PACRGL: variants seen among roughly 807,000 people sequenced by gnomAD.
PACRGL encodes PACRG-like protein.
PACRGL carries 38 observed loss-of-function variants against 34.5 expected under a neutral mutation model. The observed-to-expected ratio is 1.10, with a 90% CI of 0.85 to 1.44. The LOEUF is 1.44. Ranked by LOEUF, PACRGL falls within the 40% of genes most tolerant of loss-of-function variation. The probability of loss-of-function intolerance (pLI) is 0.00; values close to 1 mark genes in which losing one functional copy is unlikely to be tolerated. For missense variants in PACRGL, 305 were observed against 281.4 expected (o/e 1.08, Z -0.60); for synonymous variants, 128 against 100.1 (o/e 1.28, Z -1.66).
chr4:20,751,188 ACTTAT>A (rs1381253416), intron 8 of PACRGL, among the ~76,000 whole-genome samples: 1 of 152,190 alleles, frequency 6.6e-6, no homozygotes, highest in Non-Finnish European at 1.5e-5. Context: ...ATGAAGAACT[ACTTAT>A]CTTTGAACAC....
the PACRGL span, among the ~76,000 whole-genome samples, chr4:20,764,849 G>A: frequency 6.6e-6 from 1 of 152,262 alleles, no homozygotes; most frequent in Admixed American, 6.5e-5. Flanking sequence ...AGACAGGGTC[G>A]CTGTGATGGC....
At chr4:20,708,090 C>G (rs1735385514) in intron 4 of PACRGL, among the ~76,000 whole-genome samples, 1 of 152,118 alleles carries the variant, frequency 6.6e-6, no homozygotes, top group African/African-American at 2.4e-5. Context: ...TATGGATAAA[C>G]CATCAGTTTA....
the PACRGL span, among the ~76,000 whole-genome samples, chr4:20,764,807 G>A: frequency 6.6e-6 from 1 of 152,196 alleles, no homozygotes; most frequent in Admixed American, 6.5e-5. Context: ...AGGTCCCTCC[G>A]AGGCATAAAG....
Position 20,729,236 on chromosome 4 carries a change from A to AGGAT in PACRGL, c.*1896_*1899dup, listed in dbSNP as rs1475916070. 1 of 152,070 alleles carries AGGAT rather than the reference A, an allele frequency of 6.6e-6. No individual in the cohort carries two copies. Among genetic ancestry groups the AGGAT allele is most frequent in the African/African-American group, 2.4e-5 (1 of 41,418 alleles). The allele number at this position is 152,070 out of a possible 1,614,324, so 9.4% of individuals were successfully genotyped here. ...GTTATTAAGCATTACTATATACTGGAGGATAGATATCCTGACCCTTTGCAT... is the reference window on the plus strand; with the variant it reads ...GTTATTAAGCATTACTATATACTGGAGGATGGATAGATATCCTGACCCTTTGCAT... On this transcript the variant is annotated 3_prime_UTR_variant, in exon 9 of 9. Coordinates refer to ENST00000503585, the MANE Select transcript of PACRGL (RefSeq NM_001258345.3).
At position 20,713,498 on chromosome 4, in the gene PACRGL, G is replaced by T. The variant is rs763184505; in HGVS notation, c.568G>T (p.Gly190Cys). Residue 190 changes from glycine (G) to cysteine (C), a missense_variant, in exon 7 of 9, where the codon GGT becomes TGT. Coordinates refer to ENST00000503585, the MANE Select transcript of PACRGL (RefSeq NM_001258345.3). The stretch of plus-strand genomic sequence containing the variant: ...TCTAGTTCAGCTAAGTGTCGTTGTT[G>T]GTCCTTCTCTAAACGACCATCTGAA... ...NALVQLSVVV[G>C]PSLNDHLKHL... is the part of the protein sequence containing the mutation. 2 of 1,613,596 alleles carry T rather than the reference G, an allele frequency of 1.2e-6. No homozygotes were observed. The highest frequency in any genetic ancestry group is 2.2e-5 in the South Asian group (2 of 91,054).
In PACRGL at chr4:20,729,970, TAATATGCTTC is replaced by T; in HGVS notation, c.*2631_*2640del. The T allele has an allele frequency of 1.6e-6, 2 of 1,254,316 alleles. No individual in the cohort carries two copies. Among genetic ancestry groups the T allele is most frequent in the East Asian group, 5.3e-5 (2 of 37,930 alleles). The allele number at this position is 1,254,316 out of a possible 1,614,324, so 77.7% of individuals were successfully genotyped here. A position where few individuals can be genotyped will look rare whatever the true frequency, so the allele number is the denominator to read the frequency against. ...TATATTAAAACAAAGCTTGTTTGCA[TAATATGCTTC>T]AGTGTCAAGCTGAGCAATCTATGCT... On this transcript the variant is annotated 3_prime_UTR_variant, in exon 9 of 9. Coordinates refer to ENST00000503585, the MANE Select transcript of PACRGL (RefSeq NM_001258345.3).
At chr4:20,706,863 T>A (rs1203296072) in intron 3 of PACRGL, among the ~76,000 whole-genome samples, 1 of 152,140 alleles carries the variant, frequency 6.6e-6, no homozygotes, top group Non-Finnish European at 1.5e-5. Context: ...CTTGAGCCAC[T>A]GCGCCTGGCC....
chr4:20,718,686 T>C (rs1352438725), intron 7 of PACRGL: 2 of 152,218 alleles, frequency 1.3e-5, no homozygotes, highest in East Asian at 1.9e-4. Context: ...GCTTATTCAC[T>C]TGGTCATGGT....
At chr4:20,705,142 T>C (rs1733947020) in intron 3 of PACRGL, among the ~76,000 whole-genome samples, 1 of 150,640 alleles carries the variant, frequency 6.6e-6, no homozygotes, top group Non-Finnish European at 1.5e-5. Context: ...CACAGAATGC[T>C]TTTCGTGCTT....
the PACRGL span, among the ~76,000 whole-genome samples, chr4:20,760,497 T>A: frequency 6.6e-6 from 1 of 152,296 alleles, no homozygotes; most frequent in East Asian, 1.9e-4. Flanking sequence ...CCTGCAGAAT[T>A]TTCTATTTTC....
intron 7 of PACRGL, among the ~76,000 whole-genome samples, chr4:20,721,551 C>T (rs895772026): frequency 1.4e-4 from 22 of 152,274 alleles, no homozygotes; most frequent in Non-Finnish European, 2.9e-4. Context: ...ACAGTTGGGA[C>T]GCTCAGCTGC....
upstream of PACRGL, among the ~76,000 whole-genome samples, chr4:20,700,248 GA>G (rs959276127): frequency 6.6e-6 from 1 of 152,180 alleles, no homozygotes; most frequent in African/African-American, 2.4e-5. Context: ...CCTCTTATTC[GA>G]AAAACATCCT....
At chr4:20,702,703 A>G (rs529620862) in intron 1 of PACRGL, 3 of 153,148 alleles carry the variant, frequency 2.0e-5, no homozygotes, top group Admixed American at 1.3e-4. Flanking sequence ...GTCAGGCACA[A>G]TATTAAATAC....
At chr4:20,736,608 T>C (rs888819501), downstream of PACRGL, among the ~76,000 whole-genome samples, 5 of 152,172 alleles carry the variant, frequency 3.3e-5, no homozygotes, top group African/African-American at 9.6e-5. Context: ...GCCTAATATA[T>C]ATAGAACAGT....
In PACRGL at chr4:20,731,276, G is replaced by A. The variant is rs937425689; in HGVS notation, c.*3935G>A. 13 of 458,276 alleles carry A rather than the reference G, an allele frequency of 2.8e-5. No individual in the cohort carries two copies. The highest frequency in any genetic ancestry group is 2.6e-4 in the African/African-American group (12 of 46,976). The allele number at this position is 458,276 out of a possible 1,614,324, so 28.4% of individuals were successfully genotyped here. On this transcript the variant is annotated 3_prime_UTR_variant, in exon 9 of 9. Transcript: ENST00000503585. ...GTAGAGATAGATAGGGTCTTGCTAT[G>A]TTGCCCACATTGGACTCAAAATCCT...
chr4:20,757,252 C>T (rs1488786672), downstream of PACRGL, among the ~76,000 whole-genome samples: 1 of 152,056 alleles, frequency 6.6e-6, no homozygotes, highest in East Asian at 1.9e-4. Flanking sequence ...GTCCCCACTT[C>T]TCATTTTCTC....
At chr4:20,703,999 G>A (rs1169164085) in intron 1 of PACRGL, among the ~76,000 whole-genome samples, 1 of 152,178 alleles carries the variant, frequency 6.6e-6, no homozygotes, top group Non-Finnish European at 1.5e-5. Context: ...TTCAGTTTAA[G>A]GAGCTTGTGA....
chr4:20,710,638 A>G (rs1372192235), intron 5 of PACRGL, among the ~76,000 whole-genome samples: 3 of 152,114 alleles, frequency 2.0e-5, no homozygotes, highest in African/African-American at 4.8e-5. Context: ...TGCTTTTCCT[A>G]TAAAACCAGT....
chr4:20,737,709 A>G (rs1465200036), intron 8 of PACRGL, among the ~76,000 whole-genome samples: 1 of 152,218 alleles, frequency 6.6e-6, no homozygotes, highest in South Asian at 2.1e-4. Flanking sequence ...GTAAGATGAC[A>G]TGCAAATTAG....
Sources: gnomAD v4.1 joint callset for allele counts (sites outside exome capture counted in the v4.1 genomes callset) on GRCh38, gnomAD v4.1.1 for gene constraint, MANE v1.5 for transcripts, NCBI Gene and HGNC (gene_info 2026-07-23, HGNC 2026-07-21) for gene names.